Variants in XKR6 observed in about 807,000 individuals in gnomAD.
XKR6 encodes the protein XK-related protein 6.
A neutral mutation model predicts 56.7 loss-of-function variants in XKR6; 22 were observed. The ratio of observed to expected loss-of-function variants is 0.39; its 90% CI spans 0.28 to 0.55. The LOEUF (loss-of-function observed/expected upper bound fraction) is 0.55. XKR6 is among the 20% of genes least tolerant of loss of function. The probability of loss-of-function intolerance (pLI) is 0.66; values close to 1 mark genes in which losing one functional copy is unlikely to be tolerated. For missense variants in XKR6, 852 were observed against 889.0 expected (o/e 0.96, Z 0.53); for synonymous variants, 524 against 387.8 (o/e 1.35, Z -4.13).
intron 1 of XKR6, among the ~76,000 whole-genome samples, chr8:11,192,892 A>G (rs1024024078): frequency 1.5e-4 from 23 of 152,272 alleles, no homozygotes; most frequent in African/African-American, 5.3e-4. Flanking sequence ...GAGGGGCCTG[A>G]GTTCTAGATT....
At chr8:11,023,490 C>T (rs1476278310) in intron 1 of XKR6, among the ~76,000 whole-genome samples, 1 of 152,204 alleles carries the variant, frequency 6.6e-6, no homozygotes, top group Non-Finnish European at 1.5e-5. Context: ...TCTCAAACTC[C>T]TGGGCTCAAG....
intron 1 of XKR6, among the ~76,000 whole-genome samples, chr8:11,107,628 C>G (rs920829848): frequency 9.9e-5 from 15 of 152,106 alleles, no homozygotes; most frequent in Non-Finnish European, 1.8e-4. Context: ...TCTGTAGATG[C>G]GAAACAGTGA....
intron 1 of XKR6, among the ~76,000 whole-genome samples, chr8:11,034,118 G>A (rs1175634885): frequency 6.6e-6 from 1 of 152,208 alleles, no homozygotes; most frequent in Non-Finnish European, 1.5e-5. Context: ...TAAAACGCAT[G>A]CCTCAAGGAG....
intron 1 of XKR6, among the ~76,000 whole-genome samples, chr8:10,956,381 T>TG (rs1801888505): frequency 6.6e-6 from 1 of 152,158 alleles, no homozygotes; most frequent in African/African-American, 2.4e-5. Flanking sequence ...CCCTGGGCCC[T>TG]GGAGACCCAT....
intron 1 of XKR6, among the ~76,000 whole-genome samples, chr8:10,988,193 A>T (rs1002528377): frequency 6.6e-6 from 1 of 151,288 alleles, no homozygotes; most frequent in Non-Finnish European, 1.5e-5. Context: ...TATTGATTTT[A>T]TCTATTATCT....
chr8:10,927,555 A>T (rs189361611), intron 1 of XKR6, among the ~76,000 whole-genome samples: 4 of 152,276 alleles, frequency 2.6e-5, no homozygotes, highest in Admixed American at 6.5e-5. Flanking sequence ...TCTGGGTCCC[A>T]GGTCAGTAAT....
At chr8:11,079,368 C>T (rs1317063297) in intron 1 of XKR6, among the ~76,000 whole-genome samples, 1 of 152,208 alleles carries the variant, frequency 6.6e-6, no homozygotes, top group African/African-American at 2.4e-5. Flanking sequence ...AATAAAGAAG[C>T]AGAATTCTAT....
chr8:11,192,422 A>G lies in XKR6; in HGVS notation c.764+8154T>C, dbSNP rs556857393. On this transcript the variant is annotated intron_variant, in intron 1 of 2. Coordinates refer to ENST00000416569, the MANE Select transcript of XKR6 (RefSeq NM_173683.4). Reference sequence around the variant, plus strand: ...CCTCAGCCTCCAAAGTGCTGGGATTACAGACGTGAGCCACAGCGCCTGGCC... The same window carrying G: ...CCTCAGCCTCCAAAGTGCTGGGATTGCAGACGTGAGCCACAGCGCCTGGCC... Among the ~76,000 whole-genome samples the G allele has an allele frequency of 2.0e-4, 30 of 152,276 alleles. 1 individual carries two copies. In the Middle Eastern group the frequency reaches 0.017, roughly 86 times the overall value.
At chr8:11,063,284 A>T (rs1245747422) in intron 1 of XKR6, among the ~76,000 whole-genome samples, 3 of 152,022 alleles carry the variant, frequency 2.0e-5, no homozygotes, top group African/African-American at 7.2e-5. Flanking sequence ...AGAAAAACAA[A>T]TCAAAGTTAA....
At chr8:11,183,146 T>C (rs1239764824) in intron 1 of XKR6, among the ~76,000 whole-genome samples, 1 of 152,210 alleles carries the variant, frequency 6.6e-6, no homozygotes, top group African/African-American at 2.4e-5. Flanking sequence ...CCACTTTTGG[T>C]TACTGTGAAT....
At chr8:11,108,136 A>C in intron 1 of XKR6, 1 of 357,710 alleles carries the variant, frequency 2.8e-6, no homozygotes, top group Non-Finnish European at 5.4e-6. Flanking sequence ...CCGTGTGTTG[A>C]AACACATTTC....
intron 1 of XKR6, among the ~76,000 whole-genome samples, chr8:11,051,030 C>G (rs1489223403): frequency 1.3e-5 from 2 of 152,206 alleles, no homozygotes; most frequent in Non-Finnish European, 2.9e-5. Context: ...CCAGTATTGA[C>G]TAGCAGCCCC....
intron 1 of XKR6, among the ~76,000 whole-genome samples, chr8:11,110,609 C>G (rs1798850256): frequency 6.6e-6 from 1 of 152,156 alleles, no homozygotes; most frequent in Non-Finnish European, 1.5e-5. Context: ...CAGTCTTTCC[C>G]TGTTTTGGTC....
At chr8:11,172,917 C>T (rs1463862152) in intron 1 of XKR6, among the ~76,000 whole-genome samples, 4 of 152,070 alleles carry the variant, frequency 2.6e-5, no homozygotes, top group South Asian at 2.1e-4. Context: ...CTGGCAGCGG[C>T]GACACTGTTT....
chr8:11,088,514 G>C (rs1372839801), intron 1 of XKR6, among the ~76,000 whole-genome samples: 1 of 152,180 alleles, frequency 6.6e-6, no homozygotes, highest in Non-Finnish European at 1.5e-5. Flanking sequence ...GTACACGCTG[G>C]AATCTAGGCT....
intron 1 of XKR6, among the ~76,000 whole-genome samples, chr8:11,151,888 G>C (rs899695835): frequency 3.0e-4 from 45 of 152,064 alleles, no homozygotes; most frequent in African/African-American, 8.9e-4. Flanking sequence ...CTATGTAAAA[G>C]CAAATGGGAT....
At chr8:10,919,869 T>C (rs569205565) in intron 2 of XKR6, among the ~76,000 whole-genome samples, 83 of 152,184 alleles carry the variant, frequency 5.5e-4, no homozygotes, top group Non-Finnish European at 1.1e-3. Flanking sequence ...ACTTAAACTT[T>C]CAAGACATCA....
At chr8:10,978,504 G>A (rs1797643017) in intron 1 of XKR6, among the ~76,000 whole-genome samples, 1 of 152,176 alleles carries the variant, frequency 6.6e-6, no homozygotes, top group East Asian at 1.9e-4. Context: ...CTGATTTGAT[G>A]GGAAACAGGT....
intron 1 of XKR6, among the ~76,000 whole-genome samples, chr8:11,181,867 C>G (rs892945488): frequency 6.7e-6 from 1 of 149,796 alleles, no homozygotes; most frequent in African/African-American, 2.4e-5. Context: ...TTTTTTTTCT[C>G]TTGGAGACAG....
Sources: allele counts gnomAD v4.1 joint callset (sites outside exome capture counted in the v4.1 genomes callset), GRCh38; gene constraint gnomAD v4.1.1; transcripts MANE v1.5; gene names NCBI Gene and HGNC (gene_info 2026-07-23, HGNC 2026-07-21).